The following ACE variants were observed in gnomAD, a reference collection of about 807,000 sequenced individuals.
ACE encodes the protein angiotensin I converting enzyme.
In ACE, 122 loss-of-function variants were observed where a neutral mutation model predicts 162.3. That is an observed-to-expected ratio of 0.75 (90% CI 0.65 to 0.87). The LOEUF (loss-of-function observed/expected upper bound fraction) is 0.87. ACE is among the 40% of genes least tolerant of loss of function. The pLI, the probability that ACE is intolerant of heterozygous loss-of-function variation, is 0.00. For synonymous variants in ACE, 796 were observed against 720.6 expected (o/e 1.10, Z -1.68); for missense variants, 1,799 against 1,735.1 (o/e 1.04, Z -0.65).
intron 2 of ACE, 100 bp from the exon 3 acceptor site, chr17:63,478,907 A>G: frequency 9.8e-7 from 1 of 1,024,168 alleles, no homozygotes; most frequent in Non-Finnish European, 1.5e-6. Flanking sequence ...GGCCTTGTCC[A>G]AGCTACATCC....
intron 2 of ACE, 143 bp downstream of exon 2, chr17:63,478,241 A>T (rs1568035568): frequency 9.3e-7 from 1 of 1,079,226 alleles, no homozygotes; most frequent in Non-Finnish European, 1.3e-6. Context: ...GTAAGCACAG[A>T]ATGGCTTTCT....
At chr17:63,496,364 G>T in intron 22 of ACE, 30 bp from the exon 23 acceptor site, 1 of 1,613,926 alleles carries the variant, frequency 6.2e-7, no homozygotes, top group Non-Finnish European at 8.5e-7. Flanking sequence ...AACCAACTCC[G>T]CCCCGGGCCA....
rs1205538057 is a variant in ACE at position 63,483,937 on chromosome 17, A to G, written c.1675A>G (p.Ile559Val). 1 of 1,614,090 alleles carries G rather than the reference A, an allele frequency of 6.2e-7. No individual in the cohort carries two copies. Among genetic ancestry groups the G allele is most frequent in the South Asian group, 1.1e-5 (1 of 91,080 alleles). Residue 559 changes from isoleucine (I) to valine (V), a missense_variant, in exon 11 of 25, where the codon ATC becomes GTC. Transcript: ENST00000290866. ...GYEGPLHQCD[I>V]YRSTKAGAKL... ...TGAGGGCCCACTGCACCAGTGTGACATCTACCGGTCCACCAAGGCAGGGGC... is the reference window on the plus strand; with the variant it reads ...TGAGGGCCCACTGCACCAGTGTGACGTCTACCGGTCCACCAAGGCAGGGGC...
intron 15 of ACE, 68 bp from the exon 16 acceptor site, chr17:63,488,580 C>G (rs746389272): frequency 6.5e-7 from 1 of 1,533,706 alleles, no homozygotes; most frequent in South Asian, 1.1e-5. Context: ...CTCTGAAATT[C>G]TCTGAGCTCC....
Position 63,485,341 on chromosome 17 carries a change from C to T in ACE, c.2027C>T (p.Thr676Ile). 1.9e-6 allele frequency: 3 copies of T among 1,614,016 alleles called. No homozygotes were observed. The highest frequency in any genetic ancestry group is 2.5e-6 in the Non-Finnish European group (3 of 1,179,998). Residue 676 changes from threonine to isoleucine, a missense_variant, in exon 13 of 25, where the codon ACC becomes ATC. Transcript: ENST00000290866. The part of the protein sequence containing the change: ...EYAEANWNYN[T>I]NITTETSKIL... ...GCCGAGGCCAACTGGAACTACAACA[C>T]CAACATCACCACAGAGACCAGCAAG...
Position 63,484,847 on chromosome 17 carries a change from G to C in ACE, c.1921+306G>C, listed in dbSNP as rs1257046920. ...TATTGGCCAGGGGACGGTAGCTGCA[G>C]GACTCTGCTCTCCTGCGGCCATGGG... is the stretch of plus-strand genomic sequence containing the variant. On this transcript the variant is annotated intron_variant, in intron 12 of 24. Coordinates refer to ENST00000290866, the MANE Select transcript of ACE (RefSeq NM_000789.4). The surrounding 1 kb of genome is among the most constrained non-coding windows in gnomAD (Gnocchi z 4.0). 1 of 1,560,468 alleles carries C rather than the reference G, an allele frequency of 6.4e-7. No individual in the cohort carries two copies. The highest frequency in any genetic ancestry group is 1.2e-5 in the South Asian group (1 of 84,978).
Position 63,483,567 on chromosome 17 carries a change from G to GCGGGGGGGGGGGCCCCCC in ACE, c.1586+10_1586+11insGGGGGGGGGGGCCCCCCC. ...GTGACACCATACATCAGGTATTAGC[G>GCGGGGGGGGGGGCCCCCC]CCCCCACCCCACCCACCCCCAGTAC... On this transcript the variant is annotated intron_variant, in intron 10 of 24. Transcript: ENST00000290866. 6.3e-7 allele frequency: 1 copy of GCGGGGGGGGGGGCCCCCC among 1,589,536 alleles called. No homozygotes were observed. Among genetic ancestry groups the GCGGGGGGGGGGGCCCCCC allele is most frequent in the Non-Finnish European group, 8.6e-7 (1 of 1,165,658 alleles).
At position 63,479,118 on chromosome 17, in the gene ACE, CCCCTCTCGGCGGTG is replaced by C. The variant is rs759020113; in HGVS notation, c.511+23_511+36del. On this transcript the variant is annotated intron_variant, in intron 3 of 24. Coordinates refer to ENST00000290866, the MANE Select transcript of ACE (RefSeq NM_000789.4). ...GGACCCAGGTACGGCCCTTGCAGCT[CCCCTCTCGGCGGTG>C]CCCTAGTGTTCCCACATTGCCCTGC... is the stretch of plus-strand genomic sequence containing the variant. 548 of 1,594,540 alleles carry C rather than the reference CCCCTCTCGGCGGTG, an allele frequency of 3.4e-4. 1 individual carries two copies. Among genetic ancestry groups the C allele is most frequent in the Non-Finnish European group, 2.5e-5 (29 of 1,168,182 alleles).
chr17:63,482,878 C>CT, intron 8 of ACE, 151 bp from the exon 9 acceptor site: 1 of 1,089,772 alleles, frequency 9.2e-7, no homozygotes, highest in Non-Finnish European at 1.4e-6. Context: ...TGGGGGTCCT[C>CT]TTCCAAGCAG....
intron 13 of ACE, chr17:63,485,779 A>AAT: frequency 4.3e-6 from 1 of 233,022 alleles, no homozygotes; most frequent in Non-Finnish European, 8.6e-6. Flanking sequence ...CATCAAAAAA[A>AAT]AAAAAAAAAA....
chr17:63,487,024 C>T lies in ACE; in HGVS notation c.2256C>T (p.Ser752=), dbSNP rs780873477. Residue 752 remains serine (S), a synonymous_variant, in exon 15 of 25, where the codon AGC becomes AGT. Coordinates refer to ENST00000290866, the MANE Select transcript of ACE (RefSeq NM_000789.4). Reference sequence around the variant, plus strand: ...TGTTGGATATGGAAACCACCTACAGCGTGGCCACTGTGTGCCACCCGAATG... The same window carrying T: ...TGTTGGATATGGAAACCACCTACAGTGTGGCCACTGTGTGCCACCCGAATG... ...KILLDMETTY[S]VATVCHPNGS... is the part of the protein sequence containing the mutation. The T allele has an allele frequency of 1.5e-5, 24 of 1,613,742 alleles. No individual in the cohort carries two copies. Among genetic ancestry groups the T allele is most frequent in the South Asian group, 2.2e-5 (2 of 91,092 alleles).
Position 63,477,212 on chromosome 17 carries a change from T to C in ACE, c.118T>C (p.Ser40Pro). The C allele has an allele frequency of 6.7e-7, 1 of 1,493,012 alleles. No homozygotes were observed. Among genetic ancestry groups the C allele is most frequent in the Non-Finnish European group, 8.9e-7 (1 of 1,125,464 alleles). The allele number at this position is 1,493,012 out of a possible 1,614,324, so 92.5% of individuals were successfully genotyped here. A position where few individuals can be genotyped will look rare whatever the true frequency, so the allele number is the denominator to read the frequency against. Residue 40 changes from serine to proline, a missense_variant, in exon 1 of 25, where the codon TCT becomes CCT. Coordinates refer to ENST00000290866, the MANE Select transcript of ACE (RefSeq NM_000789.4). The part of the protein sequence containing the change: ...LDPGLQPGNF[S>P]ADEAGAQLFA... ...CCCCGGGCTGCAGCCCGGCAACTTT[T>C]CTGCTGACGAGGCCGGGGCGCAGCT...
Position 63,478,022 on chromosome 17 carries a change from A to AC in ACE, c.344dup (p.Gln116AlafsTer21), listed in dbSNP as rs2049647507. On this transcript the variant is annotated frameshift_variant, in exon 2 of 25. Coordinates refer to ENST00000290866, the MANE Select transcript of ACE (RefSeq NM_000789.4). LOFTEE classifies it high-confidence loss of function. Reference sequence around the variant, plus strand: ...GAACCGATCTGGCAGAACTTCACGGACCCGCAGCTGCGCAGGATCATCGGA... The same window carrying AC: ...GAACCGATCTGGCAGAACTTCACGGACCCCGCAGCTGCGCAGGATCATCGGA... The AC allele has an allele frequency of 6.2e-7, 1 of 1,609,862 alleles. No homozygotes were observed. Among genetic ancestry groups the AC allele is most frequent in the South Asian group, 1.1e-5 (1 of 90,282 alleles).
At chr17:63,485,133 C>T in intron 12 of ACE, 103 bp from the exon 13 acceptor site, 1 of 1,577,032 alleles carries the variant, frequency 6.3e-7, no homozygotes, top group Non-Finnish European at 8.6e-7. Context: ...AGGGACAGGG[C>T]AGGGTACAAG....
Position 63,480,474 on chromosome 17 carries a change from C to A in ACE, c.793C>A (p.Arg265=). 1 of 1,614,066 alleles carries A rather than the reference C, an allele frequency of 6.2e-7. No individual in the cohort carries two copies. The highest frequency in any genetic ancestry group is 8.5e-7 in the Non-Finnish European group (1 of 1,180,030). ...HAFVRRALHR[R]YGDRYINLRG... is the part of the protein sequence containing the mutation. Reference sequence around the variant, plus strand: ...CTTCGTCCGCCGCGCACTGCATCGCCGATACGGAGACAGATACATCAACCT... The same window carrying A: ...CTTCGTCCGCCGCGCACTGCATCGCAGATACGGAGACAGATACATCAACCT... Residue 265 remains arginine (R), a synonymous_variant, in exon 5 of 25, where the codon CGA becomes AGA. Transcript: ENST00000290866.
In ACE at chr17:63,483,112, TG is replaced by T. The variant is rs1246593224; in HGVS notation, c.1432del (p.Val478SerfsTer47). 7 of 1,614,038 alleles carry T rather than the reference TG, an allele frequency of 4.3e-6. No homozygotes were observed. The highest frequency in any genetic ancestry group is 2.5e-6 in the Non-Finnish European group (3 of 1,180,044). On this transcript the variant is annotated frameshift_variant, in exon 9 of 25. Coordinates refer to ENST00000290866, the MANE Select transcript of ACE (RefSeq NM_000789.4). LOFTEE classifies it high-confidence loss of function. ...TGGCTACTTGGTGGACCAGTGGCGC[TG>T]GGGGGTCTTTAGTGGGCGTACCCCC... ...PFGYLVDQWR[W>X]GVFSGRTPPS...
rs374029266 is a variant in ACE, at chr17:63,481,591, G to A, written c.971G>A (p.Arg324Gln). 14 of 1,613,976 alleles carry A rather than the reference G, an allele frequency of 8.7e-6. No homozygotes were observed. The highest frequency in any genetic ancestry group is 4.4e-5 in the South Asian group (4 of 91,076). ...QQGWNATHMFRVAEEFFTSLE... is the reference protein window; with the variant it reads ...QQGWNATHMFQVAEEFFTSLE... ...GGCTGGAACGCCACGCACATGTTCC[G>A]GGTGGCAGAGGAGTTCTTCACCTCC... is the stretch of plus-strand genomic sequence containing the variant. The change falls in exon 7 of 25, where the codon CGG becomes CAG. Residue 324 changes from arginine to glutamine, a missense_variant. Physicochemically the swap from Arg to Gln is conservative, Grantham distance 43. Transcript: ENST00000290866.
rs746228877 is a variant in ACE, at chr17:63,496,524, T to C, written c.3503+8T>C. 3 of 1,613,994 alleles carry C rather than the reference T, an allele frequency of 1.9e-6. No homozygotes were observed. Among genetic ancestry groups the C allele is most frequent in the Non-Finnish European group, 2.5e-6 (3 of 1,180,028 alleles). ...GGCCGGGCAGCGCCTGGCGTGAGTGTCCTCCAGCCCTCCTTTGTTTCCATG... is the reference window on the plus strand; with the variant it reads ...GGCCGGGCAGCGCCTGGCGTGAGTGCCCTCCAGCCCTCCTTTGTTTCCATG... On this transcript the variant is annotated splice_region_variant and intron_variant, in intron 23 of 24. Transcript: ENST00000290866.
chr17:63,492,164 G>T (rs188847628), intron 19 of ACE, among the ~76,000 whole-genome samples: 1 of 152,152 alleles, frequency 6.6e-6, no homozygotes, highest in African/African-American at 2.4e-5. Context: ...AGGCTAGCTC[G>T]GGCGCCCTCC....
Sources: gnomAD v4.1 joint callset for allele counts (sites outside exome capture counted in the v4.1 genomes callset) on GRCh38, gnomAD v4.1.1 for gene constraint, Gnocchi (gnomAD v3.1) non-coding constraint, MANE v1.5 for transcripts, NCBI Gene and HGNC (gene_info 2026-07-23, HGNC 2026-07-21) for gene names.